The following NCL variants were observed in gnomAD, a reference collection of about 807,000 sequenced individuals.
NCL encodes nucleolin multifunctional protein.
A neutral mutation model predicts 77.7 loss-of-function variants in NCL; 4 were observed. The observed-to-expected ratio is 0.05, with a 90% CI of 0.03 to 0.12. The LOEUF is 0.12. Among genes scored for constraint, NCL ranks in the 10% least tolerant of loss-of-function variants. The pLI, the probability that NCL is intolerant of heterozygous loss-of-function variation, is 1.00. For synonymous variants in NCL, 344 were observed against 297.8 expected, an observed-to-expected ratio of 1.16 and a Z score of -1.60; for missense variants, 763 against 860.9, an observed-to-expected ratio of 0.89 and a Z score of 1.42.
chr2:231,460,442 T>C (rs80267574), intron 5 of NCL, 36 bp downstream of exon 5: 1 of 1,599,272 alleles, frequency 6.3e-7, no homozygotes. Flanking sequence ...ATTTGTGCTG[T>C]TTATCTCCCC....
intron 1 of NCL, chr2:231,464,013 G>A (rs757912882): frequency 3.5e-5 from 29 of 820,812 alleles, no homozygotes; most frequent in Non-Finnish European, 4.6e-5. Flanking sequence ...CCGGGCACGT[G>A]CGTCAGGAGT....
rs774421400 is a variant in NCL at position 231,457,694 on chromosome 2, C to T, written c.1396G>A (p.Glu466Lys). ...CTATAGTCTTGATTTTGACCTTTCTCTCCAGTATAGTACAGGGAAATAGAT... is the reference window on the plus strand; with the variant it reads ...CTATAGTCTTGATTTTGACCTTTCTTTCCAGTATAGTACAGGGAAATAGAT... ...GRSISLYYTG[E>K]KGQNQDYRGG... The change falls in exon 9 of 14, where the codon GAG (glutamate) becomes AAG (lysine). Residue 466 changes from glutamate (E) to lysine (K), a missense_variant. Physicochemically the swap from Glu to Lys is moderately conservative, Grantham distance 56 (BLOSUM62 1). Transcript: ENST00000322723. The T allele has an allele frequency of 6.2e-7, 1 of 1,612,650 alleles. No homozygotes were observed. Among genetic ancestry groups the T allele is most frequent in the Non-Finnish European group, 8.5e-7 (1 of 1,179,190 alleles).
rs1412681608 is a variant in NCL, at chr2:231,455,449, TACC to T, written c.2005_2007del (p.Gly669del). Reference sequence around the variant, plus strand: ...CCACCAAATCCTCCTCGGCCTCCTCTACCACCACCTCGTCCTCCAAAGCCGCCT... The same window carrying T: ...CCACCAAATCCTCCTCGGCCTCCTCTACCACCTCGTCCTCCAAAGCCGCCT... On this transcript the variant is annotated inframe_deletion, in exon 13 of 14. Transcript: ENST00000322723. 1.2e-6 allele frequency: 2 copies of T among 1,613,988 alleles called. No homozygotes were observed. Among genetic ancestry groups the T allele is most frequent in the Admixed American group, 1.7e-5 (1 of 59,984 alleles).
At position 231,456,690 on chromosome 2, in the gene NCL, T is replaced by C. The variant is rs911844126; in HGVS notation, c.1646A>G (p.Glu549Gly). 1.3e-5 allele frequency: 21 copies of C among 1,614,188 alleles called. No individual in the cohort carries two copies. Among genetic ancestry groups the C allele is most frequent in the Non-Finnish European group, 1.8e-5 (21 of 1,180,032 alleles). The change falls in exon 11 of 14, where the codon GAG (glutamate) becomes GGG (glycine). Residue 549 changes from glutamate (E) to glycine (G), a missense_variant. Coordinates refer to ENST00000322723, the MANE Select transcript of NCL (RefSeq NM_005381.3). ...CAACTCCAGCCTGATTGCTCTGCCCTCAATTTCCCTTTTATTACAGGAATT... is the reference window on the plus strand; with the variant it reads ...CAACTCCAGCCTGATTGCTCTGCCCCCAATTTCCCTTTTATTACAGGAATT... Reference protein sequence around the residue: ...ALNSCNKREIEGRAIRLELQG... With the variant: ...ALNSCNKREIGGRAIRLELQG...
chr2:231,455,415 C>T lies in NCL; in HGVS notation c.2042G>A (p.Arg681Gln), dbSNP rs373002122. The T allele has an allele frequency of 3.7e-6, 6 of 1,614,084 alleles. No homozygotes were observed. The highest frequency in any genetic ancestry group is 3.3e-5 in the Admixed American group (2 of 60,018). The change falls in exon 13 of 14, where the codon CGG becomes CAG. Residue 681 changes from arginine to glutamine, a missense_variant. This residue lies in a region of NCL where 173 missense variants were observed against 290.4 expected (regional missense o/e 0.60). Coordinates refer to ENST00000322723, the MANE Select transcript of NCL (RefSeq NM_005381.3). ...GCGTGCCTTACCTCCAAAGCCTCCC[C>T]GGCCTCTGCCACCAAATCCTCCTCG... Reference protein sequence around the residue: ...GGRGGFGGRGRGGFGGRGGFR... With the variant: ...GGRGGFGGRGQGGFGGRGGFR...
In NCL at chr2:231,455,039, C is replaced by G. The variant is rs531325113; in HGVS notation, c.*152G>C. ...CAGTCAAAACCAACACGGTATTGCC[C>G]TTGAAATGTTAACTAGACGGATTTC... On this transcript the variant is annotated 3_prime_UTR_variant, in exon 14 of 14. Transcript: ENST00000322723. The G allele has an allele frequency of 1.2e-6, 1 of 810,654 alleles. No individual in the cohort carries two copies. The highest frequency in any genetic ancestry group is 2.0e-6 in the Non-Finnish European group (1 of 502,548). The allele number at this position is 810,654 out of a possible 1,614,324, so 50.2% of individuals were successfully genotyped here.
Position 231,460,807 on chromosome 2 carries a change from C to A in NCL, c.673G>T (p.Val225Phe). The change falls in exon 4 of 14, where the codon GTT becomes TTT. Residue 225 changes from valine (V) to phenylalanine (F), a missense_variant. Val to Phe is a conservative substitution (Grantham distance 50). Coordinates refer to ENST00000322723, the MANE Select transcript of NCL (RefSeq NM_005381.3). The part of the protein sequence containing the change: ...PAKGKKAAKV[V>F]PVKAKNVAED... ...GCCACGTTCTTGGCTTTCACAGGAA[C>A]AACTTTTGCAGCTTTCTTTCCTTTG... 2 of 1,614,178 alleles carry A rather than the reference C, an allele frequency of 1.2e-6. No individual in the cohort carries two copies. Among genetic ancestry groups the A allele is most frequent in the Non-Finnish European group, 1.7e-6 (2 of 1,180,028 alleles).
chr2:231,456,262 A>C (rs2046886878), intron 11 of NCL, 126 bp from the exon 12 acceptor site: 2 of 1,203,528 alleles, frequency 1.7e-6, no homozygotes, highest in Non-Finnish European at 2.3e-6. Flanking sequence ...AAAAGCAACT[A>C]AGCCAACTAG....
rs750955775 is a variant in NCL at position 231,457,709 on chromosome 2, G to C, written c.1381C>G (p.Leu461Val). 1 of 1,612,780 alleles carries C rather than the reference G, an allele frequency of 6.2e-7. No individual in the cohort carries two copies. Reference sequence around the variant, plus strand: ...TGACCTTTCTCTCCAGTATAGTACAGGGAAATAGATCGCCCATCGATCTCT... The same window carrying C: ...TGACCTTTCTCTCCAGTATAGTACACGGAAATAGATCGCCCATCGATCTCT... ...GTEIDGRSIS[L>V]YYTGEKGQNQ... The change falls in exon 9 of 14, where the codon CTG becomes GTG. Residue 461 changes from leucine to valine, a missense_variant. By Grantham distance (32) the Leu-to-Val change is conservative (BLOSUM62 1). Around this residue, in one of 2 missense-constraint regions of NCL, gnomAD observed 590 missense variants for 570.5 expected, o/e 1.03. Coordinates refer to ENST00000322723, the MANE Select transcript of NCL (RefSeq NM_005381.3).
intron 12 of NCL, 164 bp downstream of exon 12, chr2:231,455,846 T>TA: frequency 7.8e-7 from 1 of 1,288,050 alleles, no homozygotes; most frequent in African/African-American, 1.5e-5. Flanking sequence ...AGACAGAAGG[T>TA]AAAATAATGC....
At chr2:231,455,950 G>A (rs966866747) in intron 12 of NCL, 60 bp downstream of exon 12, 2 of 1,612,960 alleles carry the variant, frequency 1.2e-6, no homozygotes, top group Non-Finnish European at 8.5e-7. Context: ...TTAGACTCAA[G>A]GTCTGCACAG....
chr2:231,459,068 G>A lies in NCL; in HGVS notation c.1098C>T (p.Leu366=). 1 of 1,606,108 alleles carries A rather than the reference G, an allele frequency of 6.2e-7. No homozygotes were observed. The highest frequency in any genetic ancestry group is 8.5e-7 in the Non-Finnish European group (1 of 1,177,318). ...CATTGCCAAAGACTTTCAAACCAGT[G>A]AGTTCCAACGCTTTCTCCAGGTCTT... ...SAEDLEKALE[L]TGLKVFGNEI... is the part of the protein sequence containing the mutation. The change falls in exon 7 of 14, where the codon CTC becomes CTT. Residue 366 remains leucine (L), a synonymous_variant. Transcript: ENST00000322723.
intron 11 of NCL, chr2:231,456,355 T>C (rs568582393): frequency 7.9e-6 from 7 of 889,160 alleles, no homozygotes; most frequent in African/African-American, 6.6e-5. Flanking sequence ...AGATCTTCTA[T>C]GGAAAGTGGG....
intron 10 of NCL, 57 bp from the exon 11 acceptor site, chr2:231,456,821 TCA>T (rs757791841): frequency 2.7e-5 from 43 of 1,603,476 alleles, no homozygotes; most frequent in Non-Finnish European, 3.7e-5. Flanking sequence ...TCCTTCACTG[TCA>T]CATGATGCTG....
At chr2:231,455,927 A>G (rs1005321165) in intron 12 of NCL, 83 bp downstream of exon 12, 3 of 1,602,166 alleles carry the variant, frequency 1.9e-6, no homozygotes, top group Non-Finnish European at 2.6e-6. Flanking sequence ...AAGGAGCTCA[A>G]TGAGAAGACA....
intron 3 of NCL, 32 bp downstream of exon 3, chr2:231,461,508 G>C: frequency 6.2e-7 from 1 of 1,601,304 alleles, no homozygotes; most frequent in Middle Eastern, 1.7e-4. Flanking sequence ...CTTGTAATCA[G>C]AAGCCCAGTA....
chr2:231,455,533 A>C lies in NCL; in HGVS notation c.1924T>G (p.Leu642Val), dbSNP rs1436227793. 1 of 1,614,064 alleles carries C rather than the reference A, an allele frequency of 6.2e-7. No homozygotes were observed. Among genetic ancestry groups the C allele is most frequent in the Non-Finnish European group, 8.5e-7 (1 of 1,180,030 alleles). The change falls in exon 13 of 14, where the codon TTG (leucine) becomes GTG (valine). Residue 642 changes from leucine to valine, a missense_variant. By Grantham distance (32) the Leu-to-Val change is conservative (BLOSUM62 1). Coordinates refer to ENST00000322723, the MANE Select transcript of NCL (RefSeq NM_005381.3). ...DGEIDGNKVT[L>V]DWAKPKGEGG... ...TCACCCTTAGGTTTGGCCCAGTCCA[A>C]GGTAACTTTATTTCCATCAATTTCA...
At position 231,461,831 on chromosome 2, in the gene NCL, C is replaced by T. The variant is rs1306624270; in HGVS notation, c.322G>A (p.Gly108Ser). Residue 108 changes from glycine to serine, a missense_variant, in exon 3 of 14, where the codon GGC (glycine) becomes AGC (serine). Physicochemically the swap from Gly to Ser is moderately conservative, Grantham distance 56 (BLOSUM62 0). Around this residue, in one of 2 missense-constraint regions of NCL, gnomAD observed 590 missense variants for 570.5 expected, o/e 1.03. Coordinates refer to ENST00000322723, the MANE Select transcript of NCL (RefSeq NM_005381.3). ...TTGCCTGGTGTGGCTCCCTTCTTGCCAGGTGTGGTAACTGCTTTGGCTGGT... is the reference window on the plus strand; with the variant it reads ...TTGCCTGGTGTGGCTCCCTTCTTGCTAGGTGTGGTAACTGCTTTGGCTGGT... ...VTPAKAVTTPGKKGATPGKAL... is the reference protein window; with the variant it reads ...VTPAKAVTTPSKKGATPGKAL... 7 of 1,613,546 alleles carry T rather than the reference C, an allele frequency of 4.3e-6. No homozygotes were observed. The East Asian group carries it at 1.3e-4, about 31-fold the overall frequency.
chr2:231,463,214 TATC>T lies in NCL; in HGVS notation c.118_120del (p.Asp40del), dbSNP rs774868867. ...GATAAAATTACCTCTTCTCCACTGC[TATC>T]ATCTTCTTCATCTTCTGACATTTCC... On this transcript the variant is annotated inframe_deletion, in exon 2 of 14. Coordinates refer to ENST00000322723, the MANE Select transcript of NCL (RefSeq NM_005381.3). The T allele has an allele frequency of 1.9e-5, 31 of 1,607,124 alleles. No individual in the cohort carries two copies. Among genetic ancestry groups the T allele is most frequent in the Non-Finnish European group, 2.2e-5 (26 of 1,176,122 alleles).
Sources: gnomAD v4.1 joint callset for allele counts on GRCh38, gnomAD v4.1.1 for gene constraint, gnomAD v4.1.1 regional missense constraint, MANE v1.5 for transcripts, NCBI Gene and HGNC (gene_info 2026-07-23, HGNC 2026-07-21) for gene names.